The following STX19 variants were observed in gnomAD, a reference collection of about 807,000 sequenced individuals.
STX19 encodes the protein syntaxin-19.
In STX19, 26 loss-of-function variants were observed where a neutral mutation model predicts 24.3. The ratio of observed to expected loss-of-function variants is 1.07; its 90% CI spans 0.78 to 1.48. The LOEUF is 1.48. Among genes scored for constraint, STX19 ranks in the 40% most tolerant of loss-of-function variants. The probability of loss-of-function intolerance (pLI) is 0.00; values close to 1 mark genes in which losing one functional copy is unlikely to be tolerated. For synonymous variants in STX19, 116 were observed against 106.9 expected (o/e 1.09, Z -0.52); for missense variants, 367 against 331.9 (o/e 1.11, Z -0.82).
At position 94,014,731 on chromosome 3, in the gene STX19, T is replaced by C. The variant is rs1247701802; in HGVS notation, c.539A>G (p.Glu180Gly). ...LEVAGKEMSEEDVNDMLHQGK... is the reference protein window; with the variant it reads ...LEVAGKEMSEGDVNDMLHQGK... Reference sequence around the variant, plus strand: ...TTGATGAAGCATATCATTTACATCTTCTTCAGACATCTCTTTTCCAGCAAC... The same window carrying C: ...TTGATGAAGCATATCATTTACATCTCCTTCAGACATCTCTTTTCCAGCAAC... Residue 180 changes from glutamate to glycine, a missense_variant, in exon 2 of 2, where the codon GAA (glutamate) becomes GGA (glycine). By Grantham distance (98) the Glu-to-Gly change is moderately conservative (BLOSUM62 -2). Coordinates refer to ENST00000315099, the MANE Select transcript of STX19 (RefSeq NM_001001850.3). 1.2e-6 allele frequency: 2 copies of C among 1,613,010 alleles called. No individual in the cohort carries two copies. Among genetic ancestry groups the C allele is most frequent in the South Asian group, 2.2e-5 (2 of 90,716 alleles).
chr3:94,028,015 TA>T (rs2076593104), intron 1 of STX19, among the ~76,000 whole-genome samples: 1 of 152,132 alleles, frequency 6.6e-6, no homozygotes, highest in African/African-American at 2.4e-5. Flanking sequence ...TTCTCTAAAG[TA>T]AGCACATTCA....
chr3:94,016,390 T>C (rs2076333724), intron 1 of STX19, among the ~76,000 whole-genome samples: 1 of 152,140 alleles, frequency 6.6e-6, no homozygotes, highest in African/African-American at 2.4e-5. Context: ...GATGTTGTCA[T>C]AGGAGGCATA....
chr3:94,027,706 T>A (rs1184585656), intron 1 of STX19, among the ~76,000 whole-genome samples: 1 of 152,206 alleles, frequency 6.6e-6, no homozygotes, highest in Non-Finnish European at 1.5e-5. Context: ...ATATGTTGTA[T>A]TTAAATGATG....
intron 1 of STX19, among the ~76,000 whole-genome samples, chr3:94,024,434 T>G (rs2076514316): frequency 6.6e-6 from 1 of 152,234 alleles, no homozygotes. Flanking sequence ...ATACAATGGT[T>G]CAGTAGCTTT....
intron 1 of STX19, among the ~76,000 whole-genome samples, chr3:94,023,066 G>T (rs1011462604): frequency 1.3e-5 from 2 of 151,590 alleles, no homozygotes; most frequent in Non-Finnish European, 2.9e-5. Context: ...CTCTATTTTT[G>T]ATTTCCAATT....
Position 94,014,920 on chromosome 3 carries a change from T to C in STX19, c.350A>G (p.Lys117Arg). The change falls in exon 2 of 2, where the codon AAA (lysine) becomes AGA (arginine). Residue 117 changes from lysine (K) to arginine (R), a missense_variant. Physicochemically the swap from Lys to Arg is conservative, Grantham distance 26 (BLOSUM62 2). Coordinates refer to ENST00000315099, the MANE Select transcript of STX19 (RefSeq NM_001001850.3). Reference sequence around the variant, plus strand: ...TGGACCATTTTCAACCTCTGACTTTTTAACTTCTTTAACTAAATCATTCAA... The same window carrying C: ...TGGACCATTTTCAACCTCTGACTTTCTAACTTCTTTAACTAAATCATTCAA... The part of the protein sequence containing the change: ...RSLNDLVKEV[K>R]KSEVENGPSS... 1 of 1,613,434 alleles carries C rather than the reference T, an allele frequency of 6.2e-7. No homozygotes were observed. The highest frequency in any genetic ancestry group is 8.5e-7 in the Non-Finnish European group (1 of 1,179,816).
At chr3:94,016,199 T>C (rs1390564818) in intron 1 of STX19, among the ~76,000 whole-genome samples, 1 of 152,098 alleles carries the variant, frequency 6.6e-6, no homozygotes, top group Non-Finnish European at 1.5e-5. Flanking sequence ...AGCAACTTGA[T>C]TTTAGAAATG....
intron 1 of STX19, among the ~76,000 whole-genome samples, chr3:94,024,423 T>C (rs1050462565): frequency 6.6e-6 from 1 of 152,234 alleles, no homozygotes; most frequent in Non-Finnish European, 1.5e-5. Context: ...GTCCTATATT[T>C]ATACAATGGT....
intron 1 of STX19, among the ~76,000 whole-genome samples, chr3:94,020,459 G>C (rs747124392): frequency 1.3e-5 from 2 of 152,074 alleles, no homozygotes; most frequent in Non-Finnish European, 2.9e-5. Flanking sequence ...TAGCATACTA[G>C]AGCATAGTAA....
In STX19 at chr3:94,015,097, T is replaced by A; in HGVS notation, c.173A>T (p.Gln58Leu). The change falls in exon 2 of 2, where the codon CAG becomes CTG. Residue 58 changes from glutamine to leucine, a missense_variant. Coordinates refer to ENST00000315099, the MANE Select transcript of STX19 (RefSeq NM_001001850.3). ...ATCTGCCAAATTGTTAATACTTTCC[T>A]GTAGTTTTTGGATTTCATGTAGGTG... ...ERHLHEIQKLQESINNLADNV... is the reference protein window; with the variant it reads ...ERHLHEIQKLLESINNLADNV... 1.9e-6 allele frequency: 3 copies of A among 1,613,898 alleles called. No homozygotes were observed. Among genetic ancestry groups the A allele is most frequent in the Non-Finnish European group, 2.5e-6 (3 of 1,179,908 alleles).
rs199825702 is a variant in STX19 at position 94,015,190 on chromosome 3, T to C, written c.80A>G (p.Glu27Gly). ...LSRDSHVSTT[E>G]TEEQGVFLQQ... ...TAGAAACACCCCTTGTTCCTCTGTT[T>C]CTGTAGTTGATACATGACTGTCTCT... The change falls in exon 2 of 2, where the codon GAA becomes GGA. Residue 27 changes from glutamate to glycine, a missense_variant. Physicochemically the swap from Glu to Gly is moderately conservative, Grantham distance 98. Coordinates refer to ENST00000315099, the MANE Select transcript of STX19 (RefSeq NM_001001850.3). 1.2e-6 allele frequency: 2 copies of C among 1,613,494 alleles called. No individual in the cohort carries two copies. Among genetic ancestry groups the C allele is most frequent in the Non-Finnish European group, 1.7e-6 (2 of 1,179,816 alleles).
intron 1 of STX19, among the ~76,000 whole-genome samples, chr3:94,024,895 T>A (rs921107589): frequency 6.6e-6 from 1 of 152,120 alleles, no homozygotes; most frequent in Non-Finnish European, 1.5e-5. Flanking sequence ...GCCTCTTTTT[T>A]AAAAAAATTA....
At chr3:94,019,241 G>C (rs1378467601) in intron 1 of STX19, among the ~76,000 whole-genome samples, 1 of 151,526 alleles carries the variant, frequency 6.6e-6, no homozygotes, top group Non-Finnish European at 1.5e-5. Flanking sequence ...CTGTTGCCTA[G>C]GCTGGAGTGC....
chr3:94,022,797 A>G (rs1019723219), intron 1 of STX19, among the ~76,000 whole-genome samples: 1 of 152,100 alleles, frequency 6.6e-6, no homozygotes, highest in Non-Finnish European at 1.5e-5. Flanking sequence ...AAATACATCC[A>G]TGTAACTACC....
chr3:94,022,065 C>T (rs534599155), intron 1 of STX19, among the ~76,000 whole-genome samples: 1 of 152,188 alleles, frequency 6.6e-6, no homozygotes, highest in Non-Finnish European at 1.5e-5. Flanking sequence ...TATGTTGCAT[C>T]TAAACTCCTG....
chr3:94,014,700 T>A lies in STX19; in HGVS notation c.570A>T (p.Lys190Asn). 6.2e-7 allele frequency: 1 copy of A among 1,612,980 alleles called. No individual in the cohort carries two copies. The highest frequency in any genetic ancestry group is 2.2e-5 in the East Asian group (1 of 44,864). The change falls in exon 2 of 2, where the codon AAA becomes AAT. Residue 190 changes from lysine to asparagine, a missense_variant. Physicochemically the swap from Lys to Asn is moderately conservative, Grantham distance 94. Transcript: ENST00000315099. ...GTAAGCTTTCATTAAAAACTTCCCA[T>A]TTTCCTTGATGAAGCATATCATTTA... ...EDVNDMLHQG[K>N]WEVFNESLLT...
intron 1 of STX19, among the ~76,000 whole-genome samples, chr3:94,019,882 C>G (rs1383969220): frequency 2.6e-5 from 4 of 152,280 alleles, no homozygotes; most frequent in African/African-American, 9.6e-5. Context: ...AGTGTTCTTT[C>G]CCATGTAGTA....
chr3:94,027,975 A>G (rs541730627), intron 1 of STX19, among the ~76,000 whole-genome samples: 2 of 152,282 alleles, frequency 1.3e-5, no homozygotes, highest in South Asian at 4.1e-4. Context: ...TTTGGGTATA[A>G]GCTGCTTTTC....
At chr3:94,019,434 A>G (rs1158424896) in intron 1 of STX19, among the ~76,000 whole-genome samples, 1 of 151,882 alleles carries the variant, frequency 6.6e-6, no homozygotes, top group African/African-American at 2.4e-5. Flanking sequence ...TGACCTCATG[A>G]TCCGCCCATC....
Sources: allele counts gnomAD v4.1 joint callset (sites outside exome capture counted in the v4.1 genomes callset), GRCh38; gene constraint gnomAD v4.1.1; transcripts MANE v1.5; gene names NCBI Gene and HGNC (gene_info 2026-07-23, HGNC 2026-07-21).